Variants in CPQ observed in about 807,000 individuals in gnomAD.
CPQ encodes Ser-Met dipeptidase.
A neutral mutation model predicts 45.7 loss-of-function variants in CPQ; 37 were observed. That is an observed-to-expected ratio of 0.81 (90% CI 0.62 to 1.07). The LOEUF (loss-of-function observed/expected upper bound fraction) is 1.07. Among genes scored for constraint, CPQ ranks in the 50% least tolerant of loss-of-function variants. The pLI, the probability that CPQ is intolerant of heterozygous loss-of-function variation, is 0.00. For synonymous variants in CPQ, 186 were observed against 205.8 expected, an observed-to-expected ratio of 0.90 and a Z score of 0.82; for missense variants, 537 against 572.9, an observed-to-expected ratio of 0.94 and a Z score of 0.64.
chr8:96,769,594 G>A (rs556176515), intron 1 of CPQ, among the ~76,000 whole-genome samples: 13 of 142,070 alleles, frequency 9.2e-5, no homozygotes, highest in Non-Finnish European at 2.0e-4. Flanking sequence ...TACAAAATTT[G>A]TCTAGAGTTC....
intron 5 of CPQ, among the ~76,000 whole-genome samples, chr8:97,005,185 G>A (rs921667731): frequency 6.6e-6 from 1 of 151,622 alleles, no homozygotes; most frequent in Non-Finnish European, 1.5e-5. Flanking sequence ...GGGTTCAAGC[G>A]GTTCTTCTGC....
chr8:96,732,503 C>T (rs908308569), intron 1 of CPQ: 16 of 151,952 alleles, frequency 1.1e-4, no homozygotes, highest in African/African-American at 3.6e-4. Flanking sequence ...ATCCAAAATA[C>T]CATGACTGTG....
At chr8:96,840,580 A>G (rs1201317029) in intron 3 of CPQ, among the ~76,000 whole-genome samples, 2 of 152,216 alleles carry the variant, frequency 1.3e-5, no homozygotes, top group Admixed American at 1.3e-4. Flanking sequence ...TACACATTAA[A>G]GTTTAAGAAC....
intron 1 of CPQ, among the ~76,000 whole-genome samples, chr8:96,682,202 C>G (rs1468852230): frequency 6.6e-6 from 1 of 152,100 alleles, no homozygotes. Context: ...TGTTCCCCAC[C>G]CAAATCTCAT....
intron 7 of CPQ, among the ~76,000 whole-genome samples, chr8:97,091,884 CAG>C (rs148999960): frequency 2.4e-3 from 313 of 130,788 alleles, no homozygotes; most frequent in Admixed American, 2.6e-3. Flanking sequence ...GGATGGATGG[CAG>C]AGAGAGAGAG....
chr8:96,855,835 C>T (rs941105983), intron 3 of CPQ, among the ~76,000 whole-genome samples: 5 of 152,276 alleles, frequency 3.3e-5, no homozygotes, highest in East Asian at 1.9e-4. Context: ...GGAAGTTACA[C>T]TAGATACACC....
Position 96,928,011 on chromosome 8 carries a change from G to A in CPQ, c.850-37924G>A, listed in dbSNP as rs182855402. ...TTGTGACTTCCCTGGATGCATCAGC[G>A]TTAAAGCAGACACAAGCACTGAAAA... is the stretch of plus-strand genomic sequence containing the variant. On this transcript the variant is annotated intron_variant, in intron 4 of 7. Coordinates refer to ENST00000220763, the MANE Select transcript of CPQ (RefSeq NM_016134.4). Among the ~76,000 whole-genome samples the A allele has an allele frequency of 4.1e-3, 619 of 152,272 alleles. 15 individuals are homozygous for A. Among genetic ancestry groups the A allele is most frequent in the Admixed American group, 0.038 (585 of 15,296 alleles).
intron 1 of CPQ, among the ~76,000 whole-genome samples, chr8:96,784,351 A>G (rs558306049): frequency 2.0e-5 from 3 of 151,800 alleles, no homozygotes; most frequent in African/African-American, 7.3e-5. Flanking sequence ...GAACATAAGC[A>G]TAAAGTACTT....
At chr8:97,089,243 C>CA (rs61075671) in intron 7 of CPQ, among the ~76,000 whole-genome samples, 78,666 of 122,140 alleles carry the variant, frequency 0.64, 24,134 homozygotes, top group East Asian at 0.71. Flanking sequence ...AGCTCAGTCT[C>CA]AAAAAAAAAA....
intron 7 of CPQ, among the ~76,000 whole-genome samples, chr8:97,123,204 TA>T (rs1229598077): frequency 4.7e-5 from 2 of 42,660 alleles, no homozygotes; most frequent in African/African-American, 1.5e-4. Flanking sequence ...TAAAATAAAA[TA>T]AAAAATAAAA....
chr8:97,027,490 T>A (rs1467040853), intron 5 of CPQ, among the ~76,000 whole-genome samples: 1 of 152,204 alleles, frequency 6.6e-6, no homozygotes, highest in Non-Finnish European at 1.5e-5. Context: ...GAAAAAGGAT[T>A]ATGGCATAGG....
chr8:96,680,327 A>G (rs1809132613), intron 1 of CPQ: 1 of 152,142 alleles, frequency 6.6e-6, no homozygotes, highest in Non-Finnish European at 1.5e-5. Context: ...TCTTGAATTC[A>G]CACGTGTTGT....
chr8:96,987,832 T>A (rs1809017592), intron 5 of CPQ, among the ~76,000 whole-genome samples: 1 of 152,198 alleles, frequency 6.6e-6, no homozygotes, highest in Non-Finnish European at 1.5e-5. Context: ...AATAATTTTT[T>A]CAAGCGGAGA....
At chr8:96,858,311 A>G (rs1811878488) in intron 3 of CPQ, among the ~76,000 whole-genome samples, 1 of 152,034 alleles carries the variant, frequency 6.6e-6, no homozygotes, top group Non-Finnish European at 1.5e-5. Flanking sequence ...CATTTTCTCT[A>G]TCTTGTGGCA....
intron 3 of CPQ, among the ~76,000 whole-genome samples, chr8:96,877,524 T>C (rs1244515998): frequency 6.6e-6 from 1 of 152,228 alleles, no homozygotes; most frequent in African/African-American, 2.4e-5. Context: ...AATAAATATT[T>C]AGATTGTCTT....
At chr8:96,754,273 T>G (rs1193024593) in intron 1 of CPQ, among the ~76,000 whole-genome samples, 2 of 152,032 alleles carry the variant, frequency 1.3e-5, no homozygotes, top group African/African-American at 4.8e-5. Flanking sequence ...TTTAACAAAT[T>G]TCTTTGCTTT....
intron 7 of CPQ, among the ~76,000 whole-genome samples, chr8:97,090,192 G>T (rs529604720): frequency 6.6e-6 from 1 of 152,254 alleles, no homozygotes; most frequent in Non-Finnish European, 1.5e-5. Flanking sequence ...GAGTTCCAGG[G>T]CCCTGATGCT....
intron 1 of CPQ, among the ~76,000 whole-genome samples, chr8:96,687,188 C>A (rs1809242885): frequency 6.6e-6 from 1 of 151,064 alleles, no homozygotes; most frequent in Non-Finnish European, 1.5e-5. Context: ...CTCTTCTCTT[C>A]TCTTCTCTTC....
chr8:96,989,457 GGAGCA>G (rs1809050984), intron 5 of CPQ, among the ~76,000 whole-genome samples: 3 of 138,652 alleles, frequency 2.2e-5, no homozygotes, highest in Non-Finnish European at 3.2e-5. Context: ...GGAGGGGACA[GGAGCA>G]GAGCGGAGGG....
Sources: gnomAD v4.1 joint callset for allele counts (sites outside exome capture counted in the v4.1 genomes callset) on GRCh38, gnomAD v4.1.1 for gene constraint, MANE v1.5 for transcripts, NCBI Gene and HGNC (gene_info 2026-07-23, HGNC 2026-07-21) for gene names.